MCUB: variants seen among roughly 807,000 people sequenced by gnomAD.
The protein encoded by MCUB is mitochondrial calcium uniporter dominant negative subunit beta.
A neutral mutation model predicts 41.4 loss-of-function variants in MCUB; 46 were observed. That is an observed-to-expected ratio of 1.11 (90% CI 0.88 to 1.42). The LOEUF is 1.42. Ranked by LOEUF, MCUB falls within the 40% of genes most tolerant of loss-of-function variation. MCUB has a pLI of 0.00. For missense variants in MCUB, 403 were observed against 404.9 expected (o/e 1.00, Z 0.04); for synonymous variants, 148 against 148.2 (o/e 1.00, Z 0.01).
intron 1 of MCUB, among the ~76,000 whole-genome samples, chr4:109,651,872 A>G (rs1366716630): frequency 6.6e-6 from 1 of 151,694 alleles, no homozygotes; most frequent in Non-Finnish European, 1.5e-5. Context: ...GGGCTCCAAC[A>G]TTTTTTTCTG....
chr4:109,626,722 AGT>A (rs1246815795), intron 1 of MCUB, among the ~76,000 whole-genome samples: 2 of 145,260 alleles, frequency 1.4e-5, no homozygotes, highest in African/African-American at 5.1e-5. Context: ...CTGAGGCAGG[AGT>A]ATCAGTTGAA....
chr4:109,579,527 T>G (rs1727120721), intron 1 of MCUB, among the ~76,000 whole-genome samples: 1 of 152,186 alleles, frequency 6.6e-6, no homozygotes, highest in South Asian at 2.1e-4. Context: ...ACCTCACATT[T>G]AAAGCAAAGC....
chr4:109,611,419 G>C (rs1728005012), intron 1 of MCUB, among the ~76,000 whole-genome samples: 1 of 152,174 alleles, frequency 6.6e-6, no homozygotes, highest in African/African-American at 2.4e-5. Context: ...TGCTTCTAGG[G>C]GAAGTGAAAG....
intron 1 of MCUB, among the ~76,000 whole-genome samples, chr4:109,581,719 G>T (rs1296904902): frequency 2.6e-5 from 4 of 152,138 alleles, no homozygotes; most frequent in African/African-American, 9.7e-5. Context: ...GTGGGTGAAG[G>T]ATATGAACAG....
At position 109,659,202 on chromosome 4, in the gene MCUB, C is replaced by T. The variant is rs1163802647; in HGVS notation, c.175+116C>T. ...TTTTCTTACACTATCCCCATCCCAC[C>T]CCACCCTGATTGGGTTCACTTCCAC... On this transcript the variant is annotated intron_variant, in intron 2 of 7. Coordinates refer to ENST00000394650, the MANE Select transcript of MCUB (RefSeq NM_017918.5). 3 of 667,004 alleles carry T rather than the reference C, an allele frequency of 4.5e-6. No individual in the cohort carries two copies. In the Admixed American group the frequency reaches 7.4e-5, roughly 17 times the overall value. 41.3% of individuals were successfully genotyped at this position (667,004 alleles called of 1,614,324 possible). A position where few individuals can be genotyped will look rare whatever the true frequency, so the allele number is the denominator to read the frequency against.
chr4:109,662,265 C>T (rs1057212906), intron 3 of MCUB, among the ~76,000 whole-genome samples: 2 of 152,296 alleles, frequency 1.3e-5, no homozygotes, highest in East Asian at 3.9e-4. Context: ...CAGACATTTC[C>T]CCCAGGCACA....
At chr4:109,565,794 T>C (rs1027849121) in intron 1 of MCUB, among the ~76,000 whole-genome samples, 1 of 151,804 alleles carries the variant, frequency 6.6e-6, no homozygotes, top group Non-Finnish European at 1.5e-5. Flanking sequence ...AGACTTACTC[T>C]AATTCATTAT....
At chr4:109,654,784 C>T (rs1222871769) in intron 1 of MCUB, among the ~76,000 whole-genome samples, 1 of 152,146 alleles carries the variant, frequency 6.6e-6, no homozygotes, top group Admixed American at 6.5e-5. Context: ...TCATAATGCT[C>T]ATATGGGTTA....
chr4:109,686,182 C>G (rs7672819), intron 7 of MCUB, among the ~76,000 whole-genome samples: 108,267 of 152,090 alleles, frequency 0.71, 39,340 homozygotes, highest in African/African-American at 0.86. Context: ...CTGTTGCCCA[C>G]ACTAGAGTGT....
intron 4 of MCUB, among the ~76,000 whole-genome samples, chr4:109,672,850 GTACTTT>G (rs1235355083): frequency 3.9e-5 from 6 of 152,030 alleles, no homozygotes. Flanking sequence ...TTTTTTGTAA[GTACTTT>G]TACTTTTTGA....
chr4:109,591,230 G>C (rs1434133777), intron 1 of MCUB, among the ~76,000 whole-genome samples: 1 of 150,500 alleles, frequency 6.6e-6, no homozygotes, highest in Admixed American at 6.6e-5. Flanking sequence ...CTGTTGCCCA[G>C]GCTGGAGTGC....
chr4:109,609,538 A>G (rs1390030426), intron 1 of MCUB, among the ~76,000 whole-genome samples: 1 of 152,088 alleles, frequency 6.6e-6, no homozygotes, highest in Non-Finnish European at 1.5e-5. Flanking sequence ...TATGACCTAT[A>G]TCTTGTGCCG....
At chr4:109,576,598 A>G (rs1727036722) in intron 1 of MCUB, among the ~76,000 whole-genome samples, 1 of 151,342 alleles carries the variant, frequency 6.6e-6, no homozygotes, top group African/African-American at 2.4e-5. Flanking sequence ...TGATGTGGGA[A>G]CTCTTTTGTG....
intron 1 of MCUB, among the ~76,000 whole-genome samples, chr4:109,601,353 G>C (rs557441216): frequency 2.6e-5 from 4 of 151,776 alleles, no homozygotes; most frequent in African/African-American, 9.7e-5. Context: ...CTAACTTTTT[G>C]GGGGGGTACC....
rs1310761553 is a variant in MCUB at position 109,682,655 on chromosome 4, G to A, written c.525G>A (p.Leu175=). ...KSLVHRLFTI[L]HLEESQKKRE... ...TGGTTCACAGACTATTTACAATCTT[G>A]CATTTAGAAGAGTCTCAGAAAAAGA... The change falls in exon 5 of 8, where the codon TTG becomes TTA. Residue 175 remains leucine (L), a synonymous_variant. Coordinates refer to ENST00000394650, the MANE Select transcript of MCUB (RefSeq NM_017918.5). The A allele has an allele frequency of 6.2e-7, 1 of 1,612,592 alleles. No homozygotes were observed. The highest frequency in any genetic ancestry group is 1.7e-4 in the Middle Eastern group (1 of 6,060).
chr4:109,653,409 A>G (rs1729007646), intron 1 of MCUB, among the ~76,000 whole-genome samples: 1 of 152,068 alleles, frequency 6.6e-6, no homozygotes, highest in African/African-American at 2.4e-5. Context: ...GAACTGCCAA[A>G]TGTTTTCCAG....
chr4:109,687,190 ACAAAAAATAC>A (rs1484177687), intron 7 of MCUB, among the ~76,000 whole-genome samples: 1 of 152,084 alleles, frequency 6.6e-6, no homozygotes, highest in Non-Finnish European at 1.5e-5. Flanking sequence ...CTCCATCTCT[ACAAAAAATAC>A]CAAAAAATAT....
At chr4:109,592,452 A>G (rs1727461112) in intron 1 of MCUB, among the ~76,000 whole-genome samples, 1 of 152,040 alleles carries the variant, frequency 6.6e-6, no homozygotes, top group Non-Finnish European at 1.5e-5. Flanking sequence ...TGTATGTTTT[A>G]TAACACCTGT....
At chr4:109,631,431 T>A (rs1008869210) in intron 1 of MCUB, among the ~76,000 whole-genome samples, 2 of 152,236 alleles carry the variant, frequency 1.3e-5, no homozygotes, top group African/African-American at 2.4e-5. Context: ...TAGCTCTTTT[T>A]TATTCAGAAA....
Sources: gnomAD v4.1 joint callset for allele counts (sites outside exome capture counted in the v4.1 genomes callset) on GRCh38, gnomAD v4.1.1 for gene constraint, MANE v1.5 for transcripts, NCBI Gene and HGNC (gene_info 2026-07-23, HGNC 2026-07-21) for gene names.